The following TANC2 variants were observed in gnomAD, a reference collection of about 807,000 sequenced individuals.
The protein encoded by TANC2 is tetratricopeptide repeat, ankyrin repeat and coiled-coil containing 2, also known as protein TANC2.
Under a neutral mutation model 210.5 loss-of-function variants are expected in TANC2, and 26 were observed. That is an observed-to-expected ratio of 0.12 (90% CI 0.09 to 0.17). The LOEUF (loss-of-function observed/expected upper bound fraction) is 0.17. Ranked by LOEUF, TANC2 falls within the 10% of genes least tolerant of loss-of-function variation. The pLI is 1.00. For synonymous variants in TANC2, 931 were observed against 967.1 expected (o/e 0.96, Z 0.69); for missense variants, 2,129 against 2,608.9 (o/e 0.82, Z 4.01).
At chr17:63,174,157 A>G (rs2040499619) in intron 5 of TANC2, among the ~76,000 whole-genome samples, 1 of 152,186 alleles carries the variant, frequency 6.6e-6, no homozygotes, top group South Asian at 2.1e-4. Flanking sequence ...GTGATGCATA[A>G]TTTTCCACAT....
intron 7 of TANC2, among the ~76,000 whole-genome samples, chr17:63,201,382 A>G (rs1176015579): frequency 6.6e-6 from 1 of 152,144 alleles, no homozygotes; most frequent in Non-Finnish European, 1.5e-5. Flanking sequence ...TGCAAACCAT[A>G]TATTAGTTAT....
chr17:63,315,117 G>C (rs1598837826), intron 10 of TANC2, among the ~76,000 whole-genome samples: 1 of 152,144 alleles, frequency 6.6e-6, no homozygotes, highest in African/African-American at 2.4e-5. Flanking sequence ...TTGTGTCCTT[G>C]AAGGGGTTCT....
intron 2 of TANC2, among the ~76,000 whole-genome samples, chr17:63,056,102 G>A (rs1598327335): frequency 1.4e-5 from 2 of 139,126 alleles, no homozygotes; most frequent in East Asian, 2.2e-4. Context: ...GCCCACCCAG[G>A]AGGTCGAGGT....
chr17:63,367,288 C>G (rs956769375), intron 14 of TANC2, among the ~76,000 whole-genome samples: 5 of 152,222 alleles, frequency 3.3e-5, no homozygotes, highest in Non-Finnish European at 7.3e-5. Context: ...AGCCATTATA[C>G]TCTAAAGCAA....
intron 4 of TANC2, among the ~76,000 whole-genome samples, chr17:63,127,194 CCTT>C (rs1292316012): frequency 6.6e-6 from 1 of 152,094 alleles, no homozygotes; most frequent in African/African-American, 2.4e-5. Context: ...TATTTTCTAC[CCTT>C]CTCCATTCTG....
intron 12 of TANC2, among the ~76,000 whole-genome samples, chr17:63,349,882 A>T (rs1397294627): frequency 6.6e-6 from 1 of 152,136 alleles, no homozygotes; most frequent in Non-Finnish European, 1.5e-5. Flanking sequence ...TCCCTGAAGG[A>T]ATTTCATGTT....
intron 9 of TANC2, among the ~76,000 whole-genome samples, chr17:63,303,942 C>A (rs917261668): frequency 2.0e-5 from 3 of 151,914 alleles, no homozygotes. Context: ...TCCATCAGGT[C>A]ATTTATGTTC....
At chr17:63,300,744 C>T (rs2044685699) in intron 9 of TANC2, among the ~76,000 whole-genome samples, 1 of 152,168 alleles carries the variant, frequency 6.6e-6, no homozygotes, top group African/African-American at 2.4e-5. Flanking sequence ...TTGGCTTCCC[C>T]TCTTCCTATG....
At chr17:63,388,869 C>A in intron 16 of TANC2, 112 bp downstream of exon 16, 1 of 736,960 alleles carries the variant, frequency 1.4e-6, no homozygotes, top group South Asian at 3.6e-5. Flanking sequence ...TTCTTATTAG[C>A]CTTTTATTGA....
intron 21 of TANC2, among the ~76,000 whole-genome samples, chr17:63,410,247 G>A (rs939840670): frequency 1.3e-5 from 2 of 151,652 alleles, no homozygotes; most frequent in African/African-American, 4.8e-5. Flanking sequence ...AGTAGATTTA[G>A]TGTACTAGTT....
At chr17:63,265,068 A>G (rs942909106) in intron 8 of TANC2, among the ~76,000 whole-genome samples, 6 of 152,232 alleles carry the variant, frequency 3.9e-5, no homozygotes, top group Non-Finnish European at 7.3e-5. Flanking sequence ...AATAGTCGCA[A>G]CAGTTTCTGA....
chr17:63,038,695 A>G (rs1568336274), intron 2 of TANC2, among the ~76,000 whole-genome samples: 1 of 152,132 alleles, frequency 6.6e-6, no homozygotes, highest in Admixed American at 6.5e-5. Context: ...TGTAATAGTT[A>G]TAGCAATATA....
chr17:63,230,496 G>A (rs1204010785), intron 7 of TANC2, among the ~76,000 whole-genome samples: 3 of 152,036 alleles, frequency 2.0e-5, no homozygotes, highest in African/African-American at 7.2e-5. Context: ...TGTTATCATT[G>A]GTTTCAAATA....
chr17:63,319,373 TTC>T (rs1243536799), intron 11 of TANC2, among the ~76,000 whole-genome samples: 2 of 152,142 alleles, frequency 1.3e-5, no homozygotes, highest in African/African-American at 4.8e-5. Flanking sequence ...GAGACGGAGT[TTC>T]TCTCGGTTTC....
intron 6 of TANC2, among the ~76,000 whole-genome samples, chr17:63,199,244 T>G (rs1277117064): frequency 6.6e-6 from 1 of 152,214 alleles, no homozygotes; most frequent in Non-Finnish European, 1.5e-5. Context: ...AAGGCTTCTT[T>G]TAAATTTAAC....
At chr17:63,410,341 C>CA (rs947277921) in intron 21 of TANC2, among the ~76,000 whole-genome samples, 15 of 136,908 alleles carry the variant, frequency 1.1e-4, no homozygotes, top group Admixed American at 8.5e-4. Flanking sequence ...CTCCAATCCC[C>CA]CCCCCCCATC....
intron 14 of TANC2, among the ~76,000 whole-genome samples, chr17:63,368,574 A>T (rs1190838563): frequency 6.6e-6 from 1 of 152,230 alleles, no homozygotes; most frequent in East Asian, 1.9e-4. Context: ...TTAGAGAAAC[A>T]AAAGGAAGTA....
intron 14 of TANC2, among the ~76,000 whole-genome samples, chr17:63,371,275 G>A (rs1007256144): frequency 6.6e-6 from 1 of 152,050 alleles, no homozygotes; most frequent in South Asian, 2.1e-4. Context: ...GACCAGCCTG[G>A]CTAACATGGT....
intron 18 of TANC2, among the ~76,000 whole-genome samples, chr17:63,398,510 T>C (rs1056224165): frequency 6.6e-6 from 1 of 152,044 alleles, no homozygotes; most frequent in Non-Finnish European, 1.5e-5. Context: ...ATTTATTTTC[T>C]ATGGCTTTTT....
Sources: allele counts gnomAD v4.1 joint callset (sites outside exome capture counted in the v4.1 genomes callset), GRCh38; gene constraint gnomAD v4.1.1; transcripts MANE v1.5; gene names NCBI Gene and HGNC (gene_info 2026-07-23, HGNC 2026-07-21).